ZFHX3: variants seen among roughly 807,000 people sequenced by gnomAD.
ZFHX3 encodes the protein zinc finger homeobox protein 3.
ZFHX3 carries 42 observed loss-of-function variants against 279.1 expected under a neutral mutation model. That is an observed-to-expected ratio of 0.15 (90% CI 0.12 to 0.19). ZFHX3 has a LOEUF of 0.19. Ranked by LOEUF, ZFHX3 falls within the 10% of genes least tolerant of loss-of-function variation. The pLI is 1.00. For missense variants in ZFHX3, 4,981 were observed against 4,754.0 expected (o/e 1.05, Z -1.40); for synonymous variants, 2,293 against 1,957.8 (o/e 1.17, Z -4.52).
Position 73,413,261 on chromosome 16 carries a change from A to G in ZFHX3, c.-1291+42742T>C, listed in dbSNP as rs1402553877. On this transcript the variant is annotated intron_variant, in intron 3 of 17. Transcript: ENST00000641206. ...GGGATTCCCCAGGCATTCCAGACAC[A>G]GAACAGAGCAAAGAACAGCACAGGA... is the stretch of plus-strand genomic sequence containing the variant. Among the ~76,000 whole-genome samples the G allele has an allele frequency of 2.0e-5, 3 of 152,260 alleles. 1 individual carries two copies.
chr16:72,989,578 A>G (rs1962997059), intron 1 of ZFHX3, among the ~76,000 whole-genome samples: 1 of 152,224 alleles, frequency 6.6e-6, no homozygotes, highest in South Asian at 2.1e-4. Context: ...GTGCACATGG[A>G]TAAGTCAACA....
chr16:72,787,196 T>A lies in ZFHX3; in HGVS notation c.11080A>T (p.Thr3694Ser). 6.2e-7 allele frequency: 1 copy of A among 1,613,340 alleles called. No individual in the cohort carries two copies. The highest frequency in any genetic ancestry group is 8.5e-7 in the Non-Finnish European group (1 of 1,179,426). ...DPSCPKDSGL[T>S]SVGTDTFRL ...CTGAAGGTGTCCGTTCCTACACTGGTCAGACCACTGTCCTTGGGGCAGCTG... is the reference window on the plus strand; with the variant it reads ...CTGAAGGTGTCCGTTCCTACACTGGACAGACCACTGTCCTTGGGGCAGCTG... The change falls in exon 10 of 10, where the codon ACC (threonine) becomes TCC (serine). Residue 3694 changes from threonine (T) to serine (S), a missense_variant. By Grantham distance (58) the Thr-to-Ser change is moderately conservative. Around this residue, in one of 7 missense-constraint regions of ZFHX3, gnomAD observed 1,034 missense variants for 786.0 expected, o/e 1.32. Coordinates refer to ENST00000268489, the MANE Select transcript of ZFHX3 (RefSeq NM_006885.4).
chr16:73,273,618 TC>T (rs1325424709), intron 4 of ZFHX3, among the ~76,000 whole-genome samples: 2 of 152,210 alleles, frequency 1.3e-5, no homozygotes, highest in Non-Finnish European at 2.9e-5. Flanking sequence ...CAGAGATGTT[TC>T]CGCATCAGTT....
intron 1 of ZFHX3, among the ~76,000 whole-genome samples, chr16:73,848,869 C>G (rs973387663): frequency 1.3e-5 from 2 of 152,216 alleles, no homozygotes; most frequent in African/African-American, 4.8e-5. Flanking sequence ...TACGTACTTT[C>G]TGTCATATGT....
At chr16:73,643,353 C>T (rs1454175201) in intron 2 of ZFHX3, among the ~76,000 whole-genome samples, 2 of 152,122 alleles carry the variant, frequency 1.3e-5, no homozygotes, top group Non-Finnish European at 2.9e-5. Context: ...GTGATGATTT[C>T]CCTCAGCTCA....
At chr16:73,093,527 C>T (rs772869337) in exon 8 of ZFHX3, 22 of 506,334 alleles carry the variant, frequency 4.3e-5, no homozygotes, top group Non-Finnish European at 6.7e-5. Context: ...TGTCCACTCT[C>T]GGGCTGTCAC....
intron 1 of ZFHX3, among the ~76,000 whole-genome samples, chr16:73,687,425 G>A (rs1242360713): frequency 6.6e-6 from 1 of 151,596 alleles, no homozygotes; most frequent in Non-Finnish European, 1.5e-5. Flanking sequence ...TTTATTACTA[G>A]ATAAATTTAT....
chr16:73,666,018 G>A (rs375493342), intron 2 of ZFHX3, among the ~76,000 whole-genome samples: 5 of 151,200 alleles, frequency 3.3e-5, no homozygotes, highest in African/African-American at 9.8e-5. Flanking sequence ...GGATTTCACC[G>A]TGTTAGCCAG....
Position 72,950,726 on chromosome 16 carries a change from T to G in ZFHX3, c.2959A>C (p.Lys987Gln), listed in dbSNP as rs997125577. The part of the protein sequence containing the change: ...KAVMGDSYQC[K>Q]LCRYNTQLKA... ...AGCTGGGTGTTGTAGCGGCAGAGCT[T>G]GCACTGGTATGAGTCCCCCATCACC... Residue 987 changes from lysine (K) to glutamine (Q), a missense_variant, in exon 3 of 10, where the codon AAG becomes CAG. Coordinates refer to ENST00000268489, the MANE Select transcript of ZFHX3 (RefSeq NM_006885.4). 2.5e-6 allele frequency: 4 copies of G among 1,614,224 alleles called. No individual in the cohort carries two copies. Among genetic ancestry groups the G allele is most frequent in the Non-Finnish European group, 3.4e-6 (4 of 1,180,048 alleles).
At chr16:73,533,514 C>T (rs2019843746) in intron 2 of ZFHX3, among the ~76,000 whole-genome samples, 2 of 151,620 alleles carry the variant, frequency 1.3e-5, no homozygotes, top group African/African-American at 4.8e-5. Flanking sequence ...TAACCAGATC[C>T]AGTTTCATGG....
At chr16:72,791,971 A>G (rs776261228) in intron 9 of ZFHX3, among the ~76,000 whole-genome samples, 2 of 152,222 alleles carry the variant, frequency 1.3e-5, no homozygotes, top group Non-Finnish European at 2.9e-5. Flanking sequence ...GAACAGGGAC[A>G]CATTTTGAAG....
chr16:72,811,610 C>A lies in ZFHX3; in HGVS notation c.3831G>T (p.Val1277=), dbSNP rs1331150471. The A allele has an allele frequency of 6.2e-7, 1 of 1,608,700 alleles. No individual in the cohort carries two copies. Among genetic ancestry groups the A allele is most frequent in the Admixed American group, 1.7e-5 (1 of 59,724 alleles). Residue 1277 remains valine (V), a synonymous_variant, in exon 7 of 10, where the codon GTG becomes GTT. Transcript: ENST00000268489. ...TGAGCTTCTCCACGCAGTCAGGTGC[C>A]ACGCTGTGGAGGTGGGTGAGGTGCA... The part of the protein sequence containing the change: ...LQLHLTHLHS[V]APDCVEKLIM...
chr16:73,538,333 A>G (rs1425957354), intron 2 of ZFHX3, among the ~76,000 whole-genome samples: 1 of 152,228 alleles, frequency 6.6e-6, no homozygotes, highest in Admixed American at 6.5e-5. Flanking sequence ...CTATTGAAAT[A>G]AAATATAATT....
intron 2 of ZFHX3, among the ~76,000 whole-genome samples, chr16:73,582,076 G>A (rs559332404): frequency 1.3e-5 from 2 of 151,940 alleles, no homozygotes; most frequent in South Asian, 2.1e-4. Flanking sequence ...TTTTTCAAAA[G>A]CATGGTAGCA....
intron 3 of ZFHX3, among the ~76,000 whole-genome samples, chr16:72,891,475 T>C (rs566576950): frequency 6.6e-6 from 1 of 152,290 alleles, no homozygotes; most frequent in South Asian, 2.1e-4. Flanking sequence ...CTATGGACCC[T>C]TTTTGACTAA....
chr16:73,504,317 C>T (rs1240833723), intron 2 of ZFHX3: 1 of 152,204 alleles, frequency 6.6e-6, no homozygotes, highest in Non-Finnish European at 1.5e-5. Context: ...AAAGAATTCA[C>T]ATCAGCTTTT....
chr16:73,438,537 T>C (rs533197856), intron 3 of ZFHX3, among the ~76,000 whole-genome samples: 30 of 152,360 alleles, frequency 2.0e-4, no homozygotes, highest in Admixed American at 2.0e-4. Context: ...GCATTAATAC[T>C]TTTCCATGTT....
chr16:73,336,359 G>A (rs1007820708), intron 3 of ZFHX3, among the ~76,000 whole-genome samples: 3 of 152,054 alleles, frequency 2.0e-5, no homozygotes, highest in South Asian at 2.1e-4. Context: ...CATAGCACCT[G>A]ATAGTTTTTT....
intron 2 of ZFHX3, among the ~76,000 whole-genome samples, chr16:73,660,573 G>T (rs1352589311): frequency 6.6e-6 from 1 of 151,902 alleles, no homozygotes; most frequent in Non-Finnish European, 1.5e-5. Flanking sequence ...TTTTAAAAGG[G>T]AAAAAGGAGA....
Sources: gnomAD v4.1 joint callset for allele counts (sites outside exome capture counted in the v4.1 genomes callset) on GRCh38, gnomAD v4.1.1 for gene constraint, gnomAD v4.1.1 regional missense constraint, MANE v1.5 for transcripts, NCBI Gene and HGNC (gene_info 2026-07-23, HGNC 2026-07-21) for gene names.